Variants in EIF2AK3 observed in about 807,000 individuals in gnomAD.
The protein encoded by EIF2AK3 is eukaryotic translation initiation factor 2-alpha kinase 3.
EIF2AK3 carries 50 observed loss-of-function variants against 113.5 expected under a neutral mutation model. The observed-to-expected ratio is 0.44, with a 90% CI of 0.35 to 0.56. The LOEUF (loss-of-function observed/expected upper bound fraction) is 0.56. EIF2AK3 is among the 20% of genes least tolerant of loss of function. The pLI, the probability that EIF2AK3 is intolerant of heterozygous loss-of-function variation, is 0.00. For synonymous variants in EIF2AK3, 448 were observed against 495.4 expected (o/e 0.90, Z 1.27); for missense variants, 1,185 against 1,378.0 (o/e 0.86, Z 2.22).
chr2:88,579,411 A>C, intron 11 of EIF2AK3, 107 bp downstream of exon 11: 5 of 1,462,900 alleles, frequency 3.4e-6, no homozygotes, highest in East Asian at 4.6e-5. Flanking sequence ...GAAACGTCTG[A>C]AACTGTTTTC....
At chr2:88,582,348 G>C (rs74507795) in intron 10 of EIF2AK3, among the ~76,000 whole-genome samples, 1,611 of 152,246 alleles carry the variant, frequency 0.011, 25 homozygotes, top group Admixed American at 0.025. Flanking sequence ...TTGTGATTAA[G>C]GTCAATGGAA....
chr2:88,618,656 T>C (rs1675644489), intron 1 of EIF2AK3, among the ~76,000 whole-genome samples: 1 of 152,244 alleles, frequency 6.6e-6, no homozygotes, highest in Non-Finnish European at 1.5e-5. Context: ...ACCTTAGTCA[T>C]TTCCATAGAG....
intron 9 of EIF2AK3, among the ~76,000 whole-genome samples, chr2:88,584,944 G>C (rs901157895): frequency 6.6e-6 from 1 of 152,164 alleles, no homozygotes. Flanking sequence ...GAATCATTCA[G>C]AACCTTGCAT....
At chr2:88,613,695 C>T (rs970623941) in intron 2 of EIF2AK3, 29 bp downstream of exon 2, 2 of 1,613,662 alleles carry the variant, frequency 1.2e-6, no homozygotes, top group Admixed American at 1.7e-5. Context: ...ATTAAGTTTT[C>T]TAGTCAACAG....
At position 88,627,232 on chromosome 2, in the gene EIF2AK3, G is replaced by T; in HGVS notation, c.43C>A (p.Leu15Met). 1 of 1,479,508 alleles carries T rather than the reference G, an allele frequency of 6.8e-7. No individual in the cohort carries two copies. The highest frequency in any genetic ancestry group is 8.9e-7 in the Non-Finnish European group (1 of 1,121,524). 91.6% of individuals were successfully genotyped at this position (1,479,508 alleles called of 1,614,324 possible). The stretch of plus-strand genomic sequence containing the variant: ...AGCCCCAGCAGCAGCAGCAGCAGCA[G>T]CAGCGCCCGTACCAGCAGCCCCGGG... ...ISPGLLVRALLLLLLLLGLAA... is the reference protein window; with the variant it reads ...ISPGLLVRALMLLLLLLGLAA... Residue 15 changes from leucine to methionine, a missense_variant, in exon 1 of 17, where the codon CTG (leucine) becomes ATG (methionine). Physicochemically the swap from Leu to Met is conservative, Grantham distance 15 (BLOSUM62 2). This residue lies in a region of EIF2AK3 where 189 missense variants were observed against 175.2 expected (regional missense o/e 1.08). Transcript: ENST00000303236.
rs1675879148 is a variant in EIF2AK3 at position 88,626,971 on chromosome 2, C to T, written c.304G>A (p.Gly102Ser). The T allele has an allele frequency of 1.1e-5, 18 of 1,608,584 alleles. No individual in the cohort carries two copies. Among genetic ancestry groups the T allele is most frequent in the Non-Finnish European group, 1.4e-5 (17 of 1,178,632 alleles). ...PDDETELRPRGRSLVIISTLD... is the reference protein window; with the variant it reads ...PDDETELRPRSRSLVIISTLD... ...CCCGGGTCGGCAGCCCCTCACCTGC[C>T]GCGCGGTCGCAACTCTGTCTCATCG... is the stretch of plus-strand genomic sequence containing the variant. Residue 102 changes from glycine to serine, a missense_variant, in exon 1 of 17, where the codon GGC (glycine) becomes AGC (serine). By Grantham distance (56) the Gly-to-Ser change is moderately conservative. Transcript: ENST00000303236.
At chr2:88,568,121 C>A (rs1226919754) in intron 14 of EIF2AK3, among the ~76,000 whole-genome samples, 1 of 152,124 alleles carries the variant, frequency 6.6e-6, no homozygotes, top group Non-Finnish European at 1.5e-5. Flanking sequence ...GTAAACAATG[C>A]AAACACTTCA....
chr2:88,591,041 C>G lies in EIF2AK3; in HGVS notation c.779G>C (p.Ser260Thr). 1 of 1,613,982 alleles carries G rather than the reference C, an allele frequency of 6.2e-7. No individual in the cohort carries two copies. Among genetic ancestry groups the G allele is most frequent in the South Asian group, 1.1e-5 (1 of 91,070 alleles). The part of the protein sequence containing the change: ...PRSGNEKWNF[S>T]VGHFELRYIP... Reference sequence around the variant, plus strand: ...ATACCGAAGTTCAAAGTGGCCAACACTGAAATTCCACCTTAAATTTACAAA... The same window carrying G: ...ATACCGAAGTTCAAAGTGGCCAACAGTGAAATTCCACCTTAAATTTACAAA... The change falls in exon 5 of 17, where the codon AGT becomes ACT. Residue 260 changes from serine (S) to threonine (T), a missense_variant. By Grantham distance (58) the Ser-to-Thr change is moderately conservative. This residue lies in a region of EIF2AK3 where 119 missense variants were observed against 178.7 expected (regional missense o/e 0.67). Transcript: ENST00000303236.
intron 14 of EIF2AK3, among the ~76,000 whole-genome samples, chr2:88,564,886 C>T (rs1419499745): frequency 1.3e-5 from 2 of 152,166 alleles, no homozygotes; most frequent in Non-Finnish European, 2.9e-5. Flanking sequence ...TTAAATAGGA[C>T]TGGGTGAGAG....
intron 10 of EIF2AK3, among the ~76,000 whole-genome samples, chr2:88,581,353 C>A (rs768853693): frequency 1.3e-5 from 2 of 151,928 alleles, no homozygotes; most frequent in Non-Finnish European, 2.9e-5. Flanking sequence ...TTCATGATAC[C>A]GCATTTATTC....
At chr2:88,619,629 G>T (rs1160020589) in intron 1 of EIF2AK3, among the ~76,000 whole-genome samples, 1 of 152,086 alleles carries the variant, frequency 6.6e-6, no homozygotes, top group African/African-American at 2.4e-5. Context: ...CAACAGCCAT[G>T]TACTCTTAAT....
Position 88,575,269 on chromosome 2 carries a change from G to T in EIF2AK3, c.2214C>A (p.Phe738Leu). 6.2e-7 allele frequency: 1 copy of T among 1,614,166 alleles called. No homozygotes were observed. Among genetic ancestry groups the T allele is most frequent in the South Asian group, 1.1e-5 (1 of 91,088 alleles). ...CDQTSSSESQ[F>L]SPLEFSGMDH... ...CCATTCCTGAGAATTCCAGTGGTGA[G>T]AACTGGCTCTCAGATGAACTTGTCT... The change falls in exon 13 of 17, where the codon TTC becomes TTA. Residue 738 changes from phenylalanine to leucine, a missense_variant. Physicochemically the swap from Phe to Leu is conservative, Grantham distance 22. Around this residue, in one of 3 missense-constraint regions of EIF2AK3, gnomAD observed 877 missense variants for 1,024.2 expected, o/e 0.86. Coordinates refer to ENST00000303236, the MANE Select transcript of EIF2AK3 (RefSeq NM_004836.7).
chr2:88,567,880 T>G (rs1298195508), intron 14 of EIF2AK3, among the ~76,000 whole-genome samples: 1 of 152,216 alleles, frequency 6.6e-6, no homozygotes, highest in Non-Finnish European at 1.5e-5. Flanking sequence ...CTTTTCCTCC[T>G]TTACACAAAA....
At chr2:88,595,999 A>T in intron 2 of EIF2AK3, 1 of 386,528 alleles carries the variant, frequency 2.6e-6, no homozygotes. Flanking sequence ...AGTGAGTTCA[A>T]GAAGAGGTTA....
In EIF2AK3 at chr2:88,624,385, G is replaced by C. The variant is rs143622894; in HGVS notation, c.308+2582C>G. Among the ~76,000 whole-genome samples, 175 of 152,282 alleles carry C rather than the reference G, an allele frequency of 1.1e-3. 1 individual carries two copies. The highest frequency in any genetic ancestry group is 4.0e-3 in the African/African-American group (165 of 41,562). ...CTCCTAAAAATTACCTCATCAGTGA[G>C]GAAAGGAGGGATTGGGGCAGAAGGG... On this transcript the variant is annotated intron_variant, in intron 1 of 16. Transcript: ENST00000303236.
chr2:88,580,620 C>T (rs373725887), intron 10 of EIF2AK3, among the ~76,000 whole-genome samples: 7 of 152,068 alleles, frequency 4.6e-5, no homozygotes, highest in South Asian at 4.2e-4. Context: ...CCTGACAAAC[C>T]GAAAGTCTAA....
chr2:88,583,933 A>G (rs1674655890), intron 9 of EIF2AK3, among the ~76,000 whole-genome samples: 1 of 152,198 alleles, frequency 6.6e-6, no homozygotes, highest in Admixed American at 6.5e-5. Flanking sequence ...CAATAACAAC[A>G]ACAACAAAAA....
chr2:88,625,321 A>G (rs1230823726), intron 1 of EIF2AK3, among the ~76,000 whole-genome samples: 1 of 148,692 alleles, frequency 6.7e-6, no homozygotes, highest in Non-Finnish European at 1.5e-5. Context: ...ACACACACAC[A>G]CACACAGACA....
At position 88,586,012 on chromosome 2, in the gene EIF2AK3, G is replaced by T. The variant is rs752808912; in HGVS notation, c.1479C>A (p.Ser493Arg). Reference protein sequence around the residue: ...PYYKRERNKRSTQITVRFLDN... With the variant: ...PYYKRERNKRRTQITVRFLDN... Reference sequence around the variant, plus strand: ...CGAGGAATCTGACTGTAATCTGTGTGCTTCGTTTGTTCCTCTCCCTCTTGT... The same window carrying T: ...CGAGGAATCTGACTGTAATCTGTGTTCTTCGTTTGTTCCTCTCCCTCTTGT... The change falls in exon 9 of 17, where the codon AGC becomes AGA. Residue 493 changes from serine to arginine, a missense_variant. Physicochemically the swap from Ser to Arg is moderately radical, Grantham distance 110. Coordinates refer to ENST00000303236, the MANE Select transcript of EIF2AK3 (RefSeq NM_004836.7). 1.2e-6 allele frequency: 2 copies of T among 1,613,994 alleles called. No homozygotes were observed. The highest frequency in any genetic ancestry group is 1.7e-6 in the Non-Finnish European group (2 of 1,179,992).
Sources: allele counts gnomAD v4.1 joint callset (sites outside exome capture counted in the v4.1 genomes callset), GRCh38; gene constraint gnomAD v4.1.1; regional missense constraint gnomAD v4.1.1; transcripts MANE v1.5; gene names NCBI Gene and HGNC (gene_info 2026-07-23, HGNC 2026-07-21).